CHLSN: variants seen among roughly 807,000 people sequenced by gnomAD.
CHLSN encodes cholesin, also known as protein cholesin.
At chr7:983,342 T>C in the CHLSN span, 4 of 1,537,826 alleles carry the variant, frequency 2.6e-6, no homozygotes, top group East Asian at 7.4e-5. Flanking sequence ...GTCGGGAACC[T>C]GCACTTGCTG....
chr7:1,000,467 C>T, the CHLSN span: 829 of 1,598,442 alleles, frequency 5.2e-4, 10 homozygotes, highest in African/African-American at 9.5e-3. Context: ...GCCGTGCACA[C>T]ACCTTGTCAC....
the CHLSN span, chr7:997,346 G>A: frequency 1.0e-5 from 4 of 383,118 alleles, no homozygotes. Flanking sequence ...CAAGGCCAGG[G>A]GTCCGGGTGA....
At chr7:1,020,656 C>T in the CHLSN span, among the ~76,000 whole-genome samples, 4 of 152,198 alleles carry the variant, frequency 2.6e-5, no homozygotes, top group Admixed American at 2.6e-4. Flanking sequence ...CCTTACCGAA[C>T]CCACCTCCCG....
At chr7:993,835 A>G in the CHLSN span, among the ~76,000 whole-genome samples, 18 of 152,038 alleles carry the variant, frequency 1.2e-4, no homozygotes, top group Admixed American at 1.0e-3. Flanking sequence ...AGGGTGATTC[A>G]GCGGCCGAAC....
chr7:1,044,610 C>T, the CHLSN span: 1 of 151,214 alleles, frequency 6.6e-6, no homozygotes. Context: ...TCCGCCAGCC[C>T]GAGCTGCCCG....
chr7:1,101,734 G>A, the CHLSN span, among the ~76,000 whole-genome samples: 3 of 152,222 alleles, frequency 2.0e-5, no homozygotes, highest in Non-Finnish European at 4.4e-5. Flanking sequence ...TCCCAGCCTT[G>A]GTATCCACGC....
At chr7:1,089,137 C>T in the CHLSN span, among the ~76,000 whole-genome samples, 2 of 152,144 alleles carry the variant, frequency 1.3e-5, no homozygotes, top group African/African-American at 2.4e-5. Context: ...TCCTCTGTGC[C>T]GTTTTTAAGA....
the CHLSN span, among the ~76,000 whole-genome samples, chr7:1,016,916 ACAG>A: frequency 2.0e-5 from 2 of 101,058 alleles, no homozygotes; most frequent in Non-Finnish European, 4.1e-5. Context: ...ACGCCAGCGC[ACAG>A]CAGCACACAG....
chr7:1,073,794 G>A, the CHLSN span, among the ~76,000 whole-genome samples: 772 of 85,660 alleles, frequency 9.0e-3, 18 homozygotes, highest in African/African-American at 0.036. Flanking sequence ...CCCCGCTGCC[G>A]TCACGCTCCG....
chr7:1,066,384 C>T, the CHLSN span, among the ~76,000 whole-genome samples: 1 of 152,252 alleles, frequency 6.6e-6, no homozygotes, highest in African/African-American at 2.4e-5. Flanking sequence ...TCGTGGCCCA[C>T]AGATGCCAGC....
chr7:1,062,983 G>A, the CHLSN span, among the ~76,000 whole-genome samples: 1 of 152,136 alleles, frequency 6.6e-6, no homozygotes, highest in Non-Finnish European at 1.5e-5. Context: ...ACCCTCATCT[G>A]AACCCTAACC....
chr7:1,062,265 C>T, the CHLSN span, among the ~76,000 whole-genome samples: 3 of 150,780 alleles, frequency 2.0e-5, no homozygotes, highest in Admixed American at 2.0e-4. Context: ...TGAATTGTGG[C>T]GAAGAGATCA....
chr7:1,010,000 G>T, the CHLSN span: 21 of 1,597,036 alleles, frequency 1.3e-5, no homozygotes, highest in Non-Finnish European at 1.8e-5. Flanking sequence ...TGGCAGGCGG[G>T]TGCTGGGCCA....
chr7:980,422 G>A, the CHLSN span, among the ~76,000 whole-genome samples: 39 of 152,368 alleles, frequency 2.6e-4, 2 homozygotes, highest in African/African-American at 9.4e-4. Context: ...TCTGCAGGGC[G>A]CTGGAGGTCC....
At chr7:1,059,776 G>T in the CHLSN span, among the ~76,000 whole-genome samples, 2 of 33,298 alleles carry the variant, frequency 6.0e-5, no homozygotes, top group Non-Finnish European at 6.3e-5. Context: ...GGGCGGGTCC[G>T]TAATGAGGCG....
the CHLSN span, among the ~76,000 whole-genome samples, chr7:1,011,182 ACACT>A: frequency 0.02 from 2,470 of 125,644 alleles, 91 homozygotes; most frequent in East Asian, 0.2. Flanking sequence ...CCATACACCC[ACACT>A]CACCCACCCA....
At chr7:1,001,005 A>G in the CHLSN span, among the ~76,000 whole-genome samples, 1 of 152,198 alleles carries the variant, frequency 6.6e-6, no homozygotes, top group African/African-American at 2.4e-5. Context: ...GGGCCTGGGG[A>G]CGAGCAGCTC....
the CHLSN span, among the ~76,000 whole-genome samples, chr7:1,134,284 G>A: frequency 2.0e-5 from 3 of 151,680 alleles, no homozygotes; most frequent in Non-Finnish European, 2.9e-5. Context: ...TAAAAGGGTG[G>A]GGGGCAAGGC....
chr7:1,123,965 G>A, the CHLSN span, among the ~76,000 whole-genome samples: 6 of 151,862 alleles, frequency 4.0e-5, no homozygotes, highest in African/African-American at 1.5e-4. The surrounding 1 kb of genome is among the most constrained non-coding windows in gnomAD (Gnocchi z 4.4). Flanking sequence ...GCTTCCCAAC[G>A]CTCAGCTGGG....
Sources: gnomAD v4.1 joint callset for allele counts (sites outside exome capture counted in the v4.1 genomes callset) on GRCh38, gnomAD v4.1.1 for gene constraint, Gnocchi (gnomAD v3.1) non-coding constraint, MANE v1.5 for transcripts, NCBI Gene and HGNC (gene_info 2026-07-23, HGNC 2026-07-21) for gene names.